SLC5A4: variants seen among roughly 807,000 people sequenced by gnomAD.
The protein encoded by SLC5A4 is solute carrier family 5 member 4, also known as probable glucose sensor protein SLC5A4.
Under a neutral mutation model 70.3 loss-of-function variants are expected in SLC5A4, and 55 were observed. That is an observed-to-expected ratio of 0.78 (90% confidence interval 0.63 to 0.98). The LOEUF is 0.98. Ranked by LOEUF, SLC5A4 falls within the 50% of genes least tolerant of loss-of-function variation. The pLI, the probability that SLC5A4 is intolerant of heterozygous loss-of-function variation, is 0.00. For synonymous variants in SLC5A4, 268 were observed against 305.7 expected (o/e 0.88, Z 1.29); for missense variants, 735 against 839.2 (o/e 0.88, Z 1.53).
At chr22:32,306,465 CAAAA>C in the SLC5A4 span, among the ~76,000 whole-genome samples, 3 of 135,732 alleles carry the variant, frequency 2.2e-5, no homozygotes, top group South Asian at 2.4e-4. Context: ...GACTCGGTCT[CAAAA>C]AAAAAAAACA....
chr22:32,352,716 A>T, the SLC5A4 span, among the ~76,000 whole-genome samples: 1 of 152,118 alleles, frequency 6.6e-6, no homozygotes, highest in East Asian at 1.9e-4. Context: ...TGCCACAACT[A>T]GCACCGATGC....
the SLC5A4 span, among the ~76,000 whole-genome samples, chr22:32,334,966 A>G: frequency 3.9e-5 from 6 of 152,166 alleles, no homozygotes; most frequent in Non-Finnish European, 7.4e-5. Flanking sequence ...TCCAGAAGGG[A>G]CCGTGGAGGC....
chr22:32,344,118 G>C, the SLC5A4 span, among the ~76,000 whole-genome samples: 1 of 152,184 alleles, frequency 6.6e-6, no homozygotes, highest in Non-Finnish European at 1.5e-5. Flanking sequence ...AACAGGATGA[G>C]AAGGCTAGTT....
the SLC5A4 span, among the ~76,000 whole-genome samples, chr22:32,274,197 G>C: frequency 6.6e-6 from 1 of 151,974 alleles, no homozygotes; most frequent in African/African-American, 2.4e-5. Flanking sequence ...CCGCCAACAA[G>C]CCTGGCTAAT....
chr22:32,258,727 G>T (rs1927605589), upstream of SLC5A4, among the ~76,000 whole-genome samples: 1 of 152,078 alleles, frequency 6.6e-6, no homozygotes, highest in Non-Finnish European at 1.5e-5. Context: ...CCATTTCTGG[G>T]CATGTATCCA....
chr22:32,227,430 C>T (rs899883533), intron 11 of SLC5A4, among the ~76,000 whole-genome samples: 1 of 152,132 alleles, frequency 6.6e-6, no homozygotes, highest in Non-Finnish European at 1.5e-5. Context: ...TTGGGTTTTG[C>T]CCCAAGTGTT....
At chr22:32,262,405 G>A in the SLC5A4 span, among the ~76,000 whole-genome samples, 1 of 152,198 alleles carries the variant, frequency 6.6e-6, no homozygotes, top group Admixed American at 6.5e-5. Context: ...GAAGGGGCTC[G>A]GAGGGGCCTC....
chr22:32,237,334 GA>G lies in SLC5A4; in HGVS notation c.584-11del. 1 of 1,571,086 alleles carries G rather than the reference GA, an allele frequency of 6.4e-7. No individual in the cohort carries two copies. The highest frequency in any genetic ancestry group is 8.6e-7 in the Non-Finnish European group (1 of 1,156,658). ...ACCGAGGCCAAGCCCCCTAGTGAGA[GA>G]AAGAAAAGAACCAGGGCATTTTATC... is the stretch of plus-strand genomic sequence containing the variant. On this transcript the variant is annotated splice_polypyrimidine_tract_variant and intron_variant, in intron 6 of 14. Coordinates refer to ENST00000266086, the MANE Select transcript of SLC5A4 (RefSeq NM_014227.3).
At chr22:32,309,815 T>C in the SLC5A4 span, among the ~76,000 whole-genome samples, 3 of 151,762 alleles carry the variant, frequency 2.0e-5, no homozygotes, top group African/African-American at 2.4e-5. Flanking sequence ...AAGTGGCTTG[T>C]GGGGGTGACC....
chr22:32,237,080 A>G lies in SLC5A4; in HGVS notation c.664+164T>C, dbSNP rs544222999. 4.2e-4 allele frequency among the ~76,000 whole-genome samples: 64 copies of G among 152,298 alleles called. 2 individuals carry two copies. In the South Asian group the frequency reaches 0.013, roughly 30 times the overall value. ...TTCCTCATGCTGAGCTAATAAAGCA[A>G]GAAAGAAGTCAGGCAGATATTTCAG... On this transcript the variant is annotated intron_variant, in intron 7 of 14. Coordinates refer to ENST00000266086, the MANE Select transcript of SLC5A4 (RefSeq NM_014227.3).
At chr22:32,321,688 A>G in the SLC5A4 span, among the ~76,000 whole-genome samples, 1 of 152,090 alleles carries the variant, frequency 6.6e-6, no homozygotes, top group East Asian at 1.9e-4. Context: ...CTCATCATTT[A>G]GCTCCCGCTT....
At chr22:32,267,599 C>T in the SLC5A4 span, among the ~76,000 whole-genome samples, 3 of 152,302 alleles carry the variant, frequency 2.0e-5, no homozygotes, top group African/African-American at 7.2e-5. Flanking sequence ...CCGACTCAGC[C>T]TCCCAGGGTG....
intron 12 of SLC5A4, 62 bp from the exon 13 acceptor site, chr22:32,224,544 A>G (rs1218452410): frequency 8.3e-6 from 11 of 1,319,582 alleles, no homozygotes; most frequent in Non-Finnish European, 1.2e-5. Flanking sequence ...TATTCAAGTA[A>G]GTCATCATTA....
chr22:32,228,810 T>C (rs1358790938), intron 11 of SLC5A4, among the ~76,000 whole-genome samples: 1 of 152,168 alleles, frequency 6.6e-6, no homozygotes, highest in East Asian at 1.9e-4. Flanking sequence ...GTGGAAGACT[T>C]AATCCATTAC....
At chr22:32,241,157 C>T (rs904496024) in intron 5 of SLC5A4, among the ~76,000 whole-genome samples, 1 of 152,244 alleles carries the variant, frequency 6.6e-6, no homozygotes, top group African/African-American at 2.4e-5. Context: ...TAGAGTTAGA[C>T]ATCTCCACAT....
chr22:32,242,343 T>C (rs1305933223), intron 5 of SLC5A4, among the ~76,000 whole-genome samples: 1 of 152,168 alleles, frequency 6.6e-6, no homozygotes, highest in African/African-American at 2.4e-5. Context: ...CCCAACAAAA[T>C]GATGGGATCA....
rs1925350385 is a variant in SLC5A4 at position 32,225,656 on chromosome 22, T to A, written c.1448A>T (p.Gln483Leu). The part of the protein sequence containing the change: ...LAIFCKRVNE[Q>L]GAFWGLMVGL... ...ACTTTTTTTCCAGTTTTCACTCACC[T>A]GTTCATTGACTCTTTTACAGAAGAT... is the stretch of plus-strand genomic sequence containing the variant. Residue 483 changes from glutamine (Q) to leucine (L), a missense_variant and splice_region_variant, in exon 12 of 15, where the codon CAG (glutamine) becomes CTG (leucine). Physicochemically the swap from Gln to Leu is moderately radical, Grantham distance 113. Transcript: ENST00000266086. 1 of 1,603,088 alleles carries A rather than the reference T, an allele frequency of 6.2e-7. No individual in the cohort carries two copies. Among genetic ancestry groups the A allele is most frequent in the Non-Finnish European group, 8.5e-7 (1 of 1,175,682 alleles).
At position 32,254,161 on chromosome 22, in the gene SLC5A4, C is replaced by T. The variant is rs755612223; in HGVS notation, c.188G>A (p.Arg63His). The change falls in exon 2 of 15, where the codon CGT (arginine) becomes CAT (histidine). Residue 63 changes from arginine (R) to histidine (H), a missense_variant. Arg to His is a conservative substitution (Grantham distance 29). Coordinates refer to ENST00000266086, the MANE Select transcript of SLC5A4 (RefSeq NM_014227.3). ...ACTTACCGGCCACCAGGCCATATCA[C>T]GACCAGCGAGGAAGAAGCCTCCTAT... The part of the protein sequence containing the change: ...GTIGGFFLAG[R>H]DMAWWPMGAS... 1.6e-5 allele frequency: 26 copies of T among 1,613,760 alleles called. No homozygotes were observed. Among genetic ancestry groups the T allele is most frequent in the Admixed American group, 1.0e-4 (6 of 60,006 alleles).
chr22:32,239,012 C>T lies in SLC5A4; in HGVS notation c.556G>A (p.Ala186Thr), dbSNP rs779016610. The T allele has an allele frequency of 1.2e-6, 2 of 1,613,788 alleles. No individual in the cohort carries two copies. Among genetic ancestry groups the T allele is most frequent in the South Asian group, 2.2e-5 (2 of 91,068 alleles). ...DLYLAIFILL[A>T]MTAVYTTTGG... ...GTGGTGGTGTAAACAGCAGTCATAGCCAAGAGGATGAAGATTGCCAGGTAA... is the reference window on the plus strand; with the variant it reads ...GTGGTGGTGTAAACAGCAGTCATAGTCAAGAGGATGAAGATTGCCAGGTAA... Residue 186 changes from alanine (A) to threonine (T), a missense_variant, in exon 6 of 15, where the codon GCT (alanine) becomes ACT (threonine). Physicochemically the swap from Ala to Thr is moderately conservative, Grantham distance 58 (BLOSUM62 0). Transcript: ENST00000266086.
Sources: gnomAD v4.1 joint callset for allele counts (sites outside exome capture counted in the v4.1 genomes callset) on GRCh38, gnomAD v4.1.1 for gene constraint, MANE v1.5 for transcripts, NCBI Gene and HGNC (gene_info 2026-07-23, HGNC 2026-07-21) for gene names.